Variants in MAN2A1 observed in about 807,000 individuals in gnomAD.
MAN2A1 encodes the protein mannosidase alpha class 2A member 1.
A neutral mutation model predicts 142.6 loss-of-function variants in MAN2A1; 76 were observed. The ratio of observed to expected loss-of-function variants is 0.53; its 90% CI spans 0.44 to 0.65. The LOEUF (loss-of-function observed/expected upper bound fraction) is 0.65, where lower values mean the gene tolerates loss of function less well. Among genes scored for constraint, MAN2A1 ranks in the 30% least tolerant of loss-of-function variants. The pLI, the probability that MAN2A1 is intolerant of heterozygous loss-of-function variation, is 0.00. For synonymous variants in MAN2A1, 559 were observed against 473.2 expected, an observed-to-expected ratio of 1.18 and a Z score of -2.35; for missense variants, 1,311 against 1,365.1, an observed-to-expected ratio of 0.96 and a Z score of 0.62.
intron 2 of MAN2A1, among the ~76,000 whole-genome samples, chr5:109,714,657 A>G (rs1477216471): frequency 1.3e-5 from 2 of 151,818 alleles, no homozygotes; most frequent in African/African-American, 4.8e-5. Flanking sequence ...TTTTGGGGGA[A>G]GGATCCTAAG....
chr5:109,717,444 CAT>C (rs1437888390), intron 3 of MAN2A1, among the ~76,000 whole-genome samples: 1 of 152,126 alleles, frequency 6.6e-6, no homozygotes, highest in Non-Finnish European at 1.5e-5. Flanking sequence ...TGTGCACTGA[CAT>C]GTAAAATATA....
At chr5:109,813,009 A>AT (rs919770351) in intron 12 of MAN2A1, among the ~76,000 whole-genome samples, 3 of 152,102 alleles carry the variant, frequency 2.0e-5, no homozygotes, top group Admixed American at 6.5e-5. Flanking sequence ...AAAAATATGT[A>AT]TTTTTTTAAT....
chr5:109,841,138 G>A (rs916860943), intron 16 of MAN2A1, among the ~76,000 whole-genome samples: 3 of 151,762 alleles, frequency 2.0e-5, no homozygotes, highest in African/African-American at 4.8e-5. Flanking sequence ...TATCTCTCTC[G>A]CACCGTTTTT....
At chr5:109,863,949 G>GT (rs1206330178) in intron 20 of MAN2A1, 1 of 152,138 alleles carries the variant, frequency 6.6e-6, no homozygotes, top group Non-Finnish European at 1.5e-5. Context: ...CATAACATAG[G>GT]TTATTCCAGC....
chr5:109,856,349 A>G (rs540265393), intron 20 of MAN2A1, among the ~76,000 whole-genome samples: 3 of 152,260 alleles, frequency 2.0e-5, no homozygotes, highest in African/African-American at 4.8e-5. Context: ...TGCCTAAATA[A>G]TGTTTTAACA....
chr5:109,857,953 T>C (rs1755665324), intron 20 of MAN2A1, among the ~76,000 whole-genome samples: 1 of 152,200 alleles, frequency 6.6e-6, no homozygotes, highest in Non-Finnish European at 1.5e-5. Flanking sequence ...GTCAGGTCTT[T>C]TGCTAAAAAC....
chr5:109,847,786 A>C lies in MAN2A1; in HGVS notation c.2972A>C (p.Asn991Thr), dbSNP rs1219961670. 5 of 1,548,046 alleles carry C rather than the reference A, an allele frequency of 3.2e-6. No individual in the cohort carries two copies. The highest frequency in any genetic ancestry group is 4.4e-6 in the Non-Finnish European group (5 of 1,147,582). Residue 991 changes from asparagine (N) to threonine (T), a missense_variant, in exon 19 of 22, where the codon AAT (asparagine) becomes ACT (threonine). By Grantham distance (65) the Asn-to-Thr change is moderately conservative. Around this residue, in one of 3 missense-constraint regions of MAN2A1, gnomAD observed 890 missense variants for 920.5 expected, o/e 0.97. Transcript: ENST00000261483. ...RILLEKRSAV[N>T]TEEEKKSVSY... ...CTACTAGAAAAAAGAAGTGCTGTTAATACGGTATGAAAAAATAACTAGCAT... is the reference window on the plus strand; with the variant it reads ...CTACTAGAAAAAAGAAGTGCTGTTACTACGGTATGAAAAAATAACTAGCAT...
intron 20 of MAN2A1, among the ~76,000 whole-genome samples, chr5:109,858,389 T>G (rs1755676509): frequency 6.6e-6 from 1 of 152,186 alleles, no homozygotes; most frequent in South Asian, 2.1e-4. Flanking sequence ...GGGTATTGAT[T>G]CAAAGAAAGC....
intron 20 of MAN2A1, among the ~76,000 whole-genome samples, chr5:109,857,198 G>C (rs764338258): frequency 6.6e-6 from 1 of 152,204 alleles, no homozygotes; most frequent in Non-Finnish European, 1.5e-5. Flanking sequence ...AGCTCCATGA[G>C]AGCTATGCTT....
intron 15 of MAN2A1, 150 bp from the exon 16 acceptor site, chr5:109,823,573 A>G (rs1754682824): frequency 3.7e-6 from 2 of 538,730 alleles, no homozygotes; most frequent in Admixed American, 3.6e-5. Context: ...TATCACATGC[A>G]TATTTTGTTA....
In MAN2A1 at chr5:109,820,864, G is replaced by T. The variant is rs114894673; in HGVS notation, c.2451+522G>T. On this transcript the variant is annotated intron_variant, in intron 15 of 21. Coordinates refer to ENST00000261483, the MANE Select transcript of MAN2A1 (RefSeq NM_002372.4). ...GCTACAATGAACAATGTTCAGTTAG[G>T]ATAAACAATGAACATGGGAAGAAAC... Among the ~76,000 whole-genome samples the T allele has an allele frequency of 9.7e-3, 1,476 of 152,218 alleles. 23 individuals carry two copies. Among genetic ancestry groups the T allele is most frequent in the African/African-American group, 0.033 (1,391 of 41,532 alleles).
chr5:109,766,481 C>G (rs1752993586), intron 5 of MAN2A1, among the ~76,000 whole-genome samples: 1 of 152,058 alleles, frequency 6.6e-6, no homozygotes, highest in Non-Finnish European at 1.5e-5. Flanking sequence ...CCTGACTTTT[C>G]CTTATTGTCC....
chr5:109,729,877 A>G (rs984205887), intron 4 of MAN2A1, among the ~76,000 whole-genome samples: 1 of 152,048 alleles, frequency 6.6e-6, no homozygotes, highest in Non-Finnish European at 1.5e-5. Context: ...CTGTAATTCC[A>G]ACTACTCAGG....
intron 4 of MAN2A1, among the ~76,000 whole-genome samples, chr5:109,750,659 A>G (rs192508302): frequency 3.3e-5 from 5 of 152,194 alleles, no homozygotes; most frequent in East Asian, 3.9e-4. Context: ...TGACCTAGTC[A>G]TGCAATTTTT....
chr5:109,767,798 C>G, intron 6 of MAN2A1, 90 bp downstream of exon 6: 1 of 1,092,708 alleles, frequency 9.2e-7, no homozygotes, highest in South Asian at 1.7e-5. Context: ...GTTTTGTTCA[C>G]TGTCAGTCTT....
At chr5:109,765,009 C>G (rs1215783957) in intron 5 of MAN2A1, among the ~76,000 whole-genome samples, 1 of 152,048 alleles carries the variant, frequency 6.6e-6, no homozygotes, top group Non-Finnish European at 1.5e-5. Context: ...TACTTCATTG[C>G]ATATTTCCTA....
intron 1 of MAN2A1, among the ~76,000 whole-genome samples, chr5:109,704,064 T>G (rs1751061106): frequency 6.6e-6 from 1 of 152,126 alleles, no homozygotes; most frequent in South Asian, 2.1e-4. Flanking sequence ...TGAGATGCTA[T>G]TATTTGAGGT....
intron 12 of MAN2A1, 57 bp from the exon 13 acceptor site, chr5:109,817,216 A>T: frequency 6.8e-7 from 1 of 1,470,636 alleles, no homozygotes; most frequent in Non-Finnish European, 9.5e-7. Flanking sequence ...ATGTATATGT[A>T]TATGTAAGAA....
chr5:109,820,352 A>G lies in MAN2A1; in HGVS notation c.2451+10A>G. 6.2e-7 allele frequency: 1 copy of G among 1,600,918 alleles called. No homozygotes were observed. Among genetic ancestry groups the G allele is most frequent in the Non-Finnish European group, 8.5e-7 (1 of 1,175,652 alleles). The stretch of plus-strand genomic sequence containing the variant: ...TGATGGTAATGCCAAGGTAAGTGGT[A>G]CTGATGAGATGACAAATGGAATAAA... On this transcript the variant is annotated intron_variant, in intron 15 of 21. Transcript: ENST00000261483.
Sources: allele counts gnomAD v4.1 joint callset (sites outside exome capture counted in the v4.1 genomes callset), GRCh38; gene constraint gnomAD v4.1.1; regional missense constraint gnomAD v4.1.1; transcripts MANE v1.5; gene names NCBI Gene and HGNC (gene_info 2026-07-23, HGNC 2026-07-21).